Variants in STXBP5 observed in about 807,000 individuals in gnomAD.
The protein encoded by STXBP5 is syntaxin-binding protein 5.
In STXBP5, 50 loss-of-function variants were observed where a neutral mutation model predicts 152.4. The ratio of observed to expected loss-of-function variants is 0.33; its 90% CI spans 0.26 to 0.42. STXBP5 has a LOEUF of 0.42. Ranked by LOEUF, STXBP5 falls within the 10% of genes least tolerant of loss-of-function variation. The pLI, the probability that STXBP5 is intolerant of heterozygous loss-of-function variation, is 1.00. For synonymous variants in STXBP5, 492 were observed against 494.7 expected, an observed-to-expected ratio of 0.99 and a Z score of 0.07; for missense variants, 1,167 against 1,388.6, an observed-to-expected ratio of 0.84 and a Z score of 2.54.
intron 18 of STXBP5, among the ~76,000 whole-genome samples, chr6:147,332,548 C>A (rs1783627918): frequency 6.6e-6 from 1 of 152,104 alleles, no homozygotes; most frequent in Non-Finnish European, 1.5e-5. Context: ...AAGCAGTACA[C>A]CTGGTGAGTT....
intron 17 of STXBP5, 21 bp downstream of exon 17, chr6:147,325,105 T>A: frequency 2.0e-6 from 3 of 1,478,762 alleles, no homozygotes; most frequent in Non-Finnish European, 1.8e-6. Flanking sequence ...GTTACGTTTT[T>A]TTCTAAGTCT....
intron 4 of STXBP5, among the ~76,000 whole-genome samples, chr6:147,245,314 A>G (rs1287411916): frequency 1.2e-4 from 18 of 152,152 alleles, no homozygotes; most frequent in Admixed American, 1.2e-3. Context: ...AATTTTTTTA[A>G]ATCAGCAAAC....
chr6:147,341,283 T>C (rs1784080444), intron 21 of STXBP5, among the ~76,000 whole-genome samples: 1 of 152,162 alleles, frequency 6.6e-6, no homozygotes, highest in Non-Finnish European at 1.5e-5. Flanking sequence ...ACATAAAATG[T>C]CAATGAAACA....
chr6:147,371,530 C>T (rs1394117778), intron 25 of STXBP5, among the ~76,000 whole-genome samples: 2 of 152,062 alleles, frequency 1.3e-5, no homozygotes, highest in Admixed American at 1.3e-4. Flanking sequence ...TCCTGAGAGG[C>T]AGTTATCATT....
chr6:147,315,942 G>GT (rs1782621426), intron 15 of STXBP5, among the ~76,000 whole-genome samples: 1 of 152,092 alleles, frequency 6.6e-6, no homozygotes, highest in Non-Finnish European at 1.5e-5. Context: ...TATAGGATAT[G>GT]TTTCCTTTAA....
intron 21 of STXBP5, among the ~76,000 whole-genome samples, chr6:147,345,220 T>C (rs573391416): frequency 6.6e-6 from 1 of 152,312 alleles, no homozygotes; most frequent in East Asian, 1.9e-4. Context: ...TTATTCATTG[T>C]GTTTATTAAA....
At chr6:147,360,020 T>C (rs1407307460) in intron 23 of STXBP5, among the ~76,000 whole-genome samples, 1 of 152,136 alleles carries the variant, frequency 6.6e-6, no homozygotes, top group Non-Finnish European at 1.5e-5. Flanking sequence ...GGAAGACATT[T>C]ATGCAGCCAA....
chr6:147,362,629 T>C (rs775495869), intron 23 of STXBP5, among the ~76,000 whole-genome samples: 1 of 152,186 alleles, frequency 6.6e-6, no homozygotes, highest in African/African-American at 2.4e-5. Context: ...TTTTTTTTCA[T>C]TGGCCATCTA....
chr6:147,271,594 G>C (rs1292863594), intron 7 of STXBP5, among the ~76,000 whole-genome samples: 1 of 151,408 alleles, frequency 6.6e-6, no homozygotes, highest in Non-Finnish European at 1.5e-5. Flanking sequence ...AAAGTATTTT[G>C]AACTGAAAAA....
At chr6:147,379,025 T>G (rs928263552) in intron 26 of STXBP5, among the ~76,000 whole-genome samples, 1 of 151,960 alleles carries the variant, frequency 6.6e-6, no homozygotes, top group Non-Finnish European at 1.5e-5. Flanking sequence ...TTCCTTGGTT[T>G]CTGGTCCCAT....
At chr6:147,233,030 TA>T (rs1778081284) in intron 2 of STXBP5, among the ~76,000 whole-genome samples, 1 of 151,846 alleles carries the variant, frequency 6.6e-6, no homozygotes, top group South Asian at 2.1e-4. Flanking sequence ...ATTCTTTACT[TA>T]CCAAGAATCA....
In STXBP5 at chr6:147,387,357, AT is replaced by A. The variant is rs1226640258; in HGVS notation, c.*2607del. ...ATAGAAAATATCAGAAAAATGAAAG[AT>A]TTTTGTGTGCCCTCTCCATATCCTC... On this transcript the variant is annotated 3_prime_UTR_variant, in exon 28 of 28. Transcript: ENST00000321680. 1 of 151,576 alleles carries A rather than the reference AT, an allele frequency of 6.6e-6. No homozygotes were observed. The highest frequency in any genetic ancestry group is 6.6e-5 in the Admixed American group (1 of 15,192). The allele number at this position is 151,576 out of a possible 1,614,324, so 9.4% of individuals were successfully genotyped here. A position where few individuals can be genotyped will look rare whatever the true frequency, so the allele number is the denominator to read the frequency against.
chr6:147,273,748 G>A (rs888002585), intron 7 of STXBP5, among the ~76,000 whole-genome samples: 1 of 152,052 alleles, frequency 6.6e-6, no homozygotes, highest in Non-Finnish European at 1.5e-5. Context: ...TCAGGAGATC[G>A]AGACCATCCT....
intron 2 of STXBP5, among the ~76,000 whole-genome samples, chr6:147,233,076 G>A (rs1437642097): frequency 6.6e-6 from 1 of 151,670 alleles, no homozygotes; most frequent in African/African-American, 2.4e-5. Flanking sequence ...TATGTCTATT[G>A]TATTAGATAT....
chr6:147,251,212 G>A (rs922800339), intron 4 of STXBP5, among the ~76,000 whole-genome samples: 1 of 152,140 alleles, frequency 6.6e-6, no homozygotes, highest in Admixed American at 6.5e-5. Flanking sequence ...CTAGCCACGG[G>A]AAGCCATGAG....
At chr6:147,363,852 A>T in intron 24 of STXBP5, 148 bp downstream of exon 24, 1 of 1,379,216 alleles carries the variant, frequency 7.3e-7, no homozygotes, top group Non-Finnish European at 9.7e-7. Flanking sequence ...GAACAAGTAT[A>T]TGAGGAGTAT....
chr6:147,335,741 C>T (rs1036896167), intron 19 of STXBP5, among the ~76,000 whole-genome samples: 3 of 151,786 alleles, frequency 2.0e-5, no homozygotes, highest in African/African-American at 7.3e-5. Context: ...GCGGAGCCTG[C>T]AGTGAGCCGA....
chr6:147,226,178 C>T (rs1777700346), intron 2 of STXBP5, among the ~76,000 whole-genome samples: 1 of 152,026 alleles, frequency 6.6e-6, no homozygotes, highest in Non-Finnish European at 1.5e-5. Context: ...TGGCAAGTGC[C>T]TGTAGTCCCA....
At position 147,228,823 on chromosome 6, in the gene STXBP5, T is replaced by C. The variant is rs73582522; in HGVS notation, c.249-6427T>C. ...TTCCTGAGCAATTTTCATCAACATA[T>C]TTTAGGAATTAATGTAGATTTTAAA... On this transcript the variant is annotated intron_variant, in intron 2 of 27. Coordinates refer to ENST00000321680, the MANE Select transcript of STXBP5 (RefSeq NM_001127715.4). Among the ~76,000 whole-genome samples, 622 of 152,220 alleles carry C rather than the reference T, an allele frequency of 4.1e-3. 4 individuals carry two copies. Among genetic ancestry groups the C allele is most frequent in the African/African-American group, 0.014 (595 of 41,556 alleles).
Sources: gnomAD v4.1 joint callset for allele counts (sites outside exome capture counted in the v4.1 genomes callset) on GRCh38, gnomAD v4.1.1 for gene constraint, MANE v1.5 for transcripts, NCBI Gene and HGNC (gene_info 2026-07-23, HGNC 2026-07-21) for gene names.